HLCS: variants seen among roughly 807,000 people sequenced by gnomAD.
HLCS encodes the protein holocarboxylase synthetase, also known as biotin--protein ligase.
Under a neutral mutation model 75.0 loss-of-function variants are expected in HLCS, and 53 were observed. The observed-to-expected ratio is 0.71, with a 90% CI of 0.57 to 0.89. HLCS has a LOEUF of 0.89. Among genes scored for constraint, HLCS ranks in the 40% least tolerant of loss-of-function variants. The probability of loss-of-function intolerance (pLI) is 0.00; values close to 1 mark genes in which losing one functional copy is unlikely to be tolerated. For synonymous variants in HLCS, 431 were observed against 428.6 expected, an observed-to-expected ratio of 1.01 and a Z score of -0.07; for missense variants, 966 against 1,074.0, an observed-to-expected ratio of 0.90 and a Z score of 1.41.
intron 6 of HLCS, among the ~76,000 whole-genome samples, chr21:36,789,481 T>C (rs954548073): frequency 2.6e-5 from 4 of 152,262 alleles, no homozygotes; most frequent in Non-Finnish European, 4.4e-5. Flanking sequence ...ACATTTTCCC[T>C]ATAATTTTGT....
At chr21:36,916,847 C>G (rs549670093) in intron 5 of HLCS, among the ~76,000 whole-genome samples, 7 of 152,240 alleles carry the variant, frequency 4.6e-5, no homozygotes, top group Non-Finnish European at 7.4e-5. Context: ...AAATACTCCC[C>G]GGGCCAAGTA....
At chr21:36,794,333 C>G (rs1261099823) in intron 6 of HLCS, among the ~76,000 whole-genome samples, 1 of 152,210 alleles carries the variant, frequency 6.6e-6, no homozygotes, top group Non-Finnish European at 1.5e-5. Context: ...CAAGGAAGGA[C>G]AAAGGATGGG....
chr21:36,892,420 C>T (rs1199861345), intron 6 of HLCS, among the ~76,000 whole-genome samples: 1 of 152,224 alleles, frequency 6.6e-6, no homozygotes, highest in Non-Finnish European at 1.5e-5. Context: ...GTGATTTCTA[C>T]TACAGCAGTG....
chr21:36,809,533 T>C (rs1226076793), intron 6 of HLCS, among the ~76,000 whole-genome samples: 1 of 152,208 alleles, frequency 6.6e-6, no homozygotes, highest in Non-Finnish European at 1.5e-5. Flanking sequence ...TATTTTTTTC[T>C]GCTCCATTTT....
chr21:36,769,954 T>C (rs961546356), intron 6 of HLCS, among the ~76,000 whole-genome samples: 1 of 152,096 alleles, frequency 6.6e-6, no homozygotes, highest in African/African-American at 2.4e-5. Context: ...CACAACAGTG[T>C]TATAAAGGTA....
intron 5 of HLCS, among the ~76,000 whole-genome samples, chr21:36,903,993 C>T (rs569415943): frequency 4.7e-4 from 71 of 152,176 alleles, no homozygotes; most frequent in African/African-American, 1.6e-3. Context: ...ATGTGATTCC[C>T]TTCCCATGTT....
intron 5 of HLCS, among the ~76,000 whole-genome samples, chr21:36,923,970 C>T (rs1425491729): frequency 6.6e-6 from 1 of 152,200 alleles, no homozygotes; most frequent in African/African-American, 2.4e-5. Context: ...CTTTAATCTG[C>T]TAGCTGCCTT....
At chr21:36,769,097 G>A (rs1243377318) in intron 6 of HLCS, among the ~76,000 whole-genome samples, 1 of 152,202 alleles carries the variant, frequency 6.6e-6, no homozygotes, top group Non-Finnish European at 1.5e-5. Flanking sequence ...CAGGAAAAAG[G>A]TTGGTTCAGA....
intron 6 of HLCS, among the ~76,000 whole-genome samples, chr21:36,792,584 A>G (rs2060902970): frequency 6.6e-6 from 1 of 151,984 alleles, no homozygotes; most frequent in Admixed American, 6.6e-5. Flanking sequence ...TTATGATTTC[A>G]TTTCCTCCTT....
intron 6 of HLCS, among the ~76,000 whole-genome samples, chr21:36,769,176 T>C (rs541048624): frequency 1.3e-5 from 2 of 152,208 alleles, no homozygotes; most frequent in South Asian, 4.1e-4. Context: ...TGCTAGAGGT[T>C]TGGCAGCAGT....
At chr21:36,898,880 G>C (rs2065123799) in intron 5 of HLCS, among the ~76,000 whole-genome samples, 1 of 152,054 alleles carries the variant, frequency 6.6e-6, no homozygotes, top group South Asian at 2.1e-4. Context: ...GGGCAACATG[G>C]TGAAACCCTG....
chr21:36,850,738 T>C (rs1226518321), intron 6 of HLCS, among the ~76,000 whole-genome samples: 1 of 152,162 alleles, frequency 6.6e-6, no homozygotes, highest in Non-Finnish European at 1.5e-5. Flanking sequence ...TCCAAGGGAA[T>C]AGCAGGGTGA....
At chr21:36,850,478 C>T (rs865876477) in intron 6 of HLCS, among the ~76,000 whole-genome samples, 3 of 152,164 alleles carry the variant, frequency 2.0e-5, no homozygotes, top group Admixed American at 6.5e-5. Flanking sequence ...CTATCCTGCA[C>T]CCCCAAGCCC....
At chr21:36,902,062 T>C (rs945639042) in intron 5 of HLCS, among the ~76,000 whole-genome samples, 2 of 152,048 alleles carry the variant, frequency 1.3e-5, no homozygotes, top group African/African-American at 4.8e-5. Flanking sequence ...GGCTGAGAAG[T>C]CACCGCTGGC....
intron 6 of HLCS, among the ~76,000 whole-genome samples, chr21:36,797,637 C>T (rs998150488): frequency 1.8e-4 from 28 of 152,114 alleles, no homozygotes; most frequent in Non-Finnish European, 3.1e-4. Context: ...TGCACTTATT[C>T]TTGGTGTGGA....
chr21:36,853,099 GA>G (rs2063068799), intron 6 of HLCS, among the ~76,000 whole-genome samples: 1 of 152,166 alleles, frequency 6.6e-6, no homozygotes, highest in Non-Finnish European at 1.5e-5. Context: ...GAATAGGATT[GA>G]AAATGTCCTA....
intron 6 of HLCS, among the ~76,000 whole-genome samples, chr21:36,880,806 TG>T (rs1409847106): frequency 1.3e-5 from 2 of 152,112 alleles, no homozygotes; most frequent in African/African-American, 4.8e-5. Flanking sequence ...ACTCCACATC[TG>T]CCCAAACTCC....
At chr21:36,967,883 C>A (rs1305072923), upstream of HLCS, among the ~76,000 whole-genome samples, 1 of 152,148 alleles carries the variant, frequency 6.6e-6, no homozygotes, top group Admixed American at 6.5e-5. Flanking sequence ...CCATGCCTGG[C>A]TAACTTTTGT....
intron 5 of HLCS, among the ~76,000 whole-genome samples, chr21:36,920,689 C>T (rs1027844855): frequency 2.0e-5 from 3 of 151,942 alleles, no homozygotes; most frequent in Non-Finnish European, 4.4e-5. Flanking sequence ...TTTTTAAAGC[C>T]GTCTACCAAG....
Sources: allele counts gnomAD v4.1 joint callset (sites outside exome capture counted in the v4.1 genomes callset), GRCh38; gene constraint gnomAD v4.1.1; transcripts MANE v1.5; gene names NCBI Gene and HGNC (gene_info 2026-07-23, HGNC 2026-07-21).